ATP11C: variants seen among roughly 807,000 people sequenced by gnomAD.
The protein encoded by ATP11C is ATPase phospholipid transporting 11C (ATP11C blood group), also known as phospholipid-transporting ATPase IG.
ATP11C carries 36 observed loss-of-function variants against 97.4 expected under a neutral mutation model. The observed-to-expected ratio is 0.37, with a 90% CI of 0.28 to 0.49. ATP11C has a LOEUF of 0.49. ATP11C is among the 20% of genes least tolerant of loss of function. The probability of loss-of-function intolerance (pLI) is 0.98; values close to 1 mark genes in which losing one functional copy is unlikely to be tolerated. For synonymous variants in ATP11C, 275 were observed against 290.9 expected (o/e 0.95, Z 0.56); for missense variants, 730 against 824.6 (o/e 0.89, Z 1.40).
intron 23 of ATP11C, among the ~76,000 whole-genome samples, chrX:139,753,784 G>A: frequency 9.0e-6 from 1 of 110,657 alleles, no homozygotes; most frequent in Non-Finnish European, 1.9e-5. Context: ...ATTACAGCCT[G>A]GGTGACAGAG....
chrX:139,773,351 C>T (rs1256147660), intron 19 of ATP11C, among the ~76,000 whole-genome samples: 1 of 110,925 alleles, frequency 9.0e-6, no homozygotes, highest in Non-Finnish European at 1.9e-5. Flanking sequence ...GAAGGTGGGG[C>T]CTCCATGATG....
intron 1 of ATP11C, among the ~76,000 whole-genome samples, chrX:139,885,194 A>G (rs2084620846): frequency 9.1e-6 from 1 of 110,083 alleles, no homozygotes; most frequent in Admixed American, 9.8e-5. Context: ...ACATGCACAC[A>G]CATACCCACT....
intron 17 of ATP11C, 44 bp from the exon 18 acceptor site, chrX:139,782,772 G>GA: frequency 1.1e-6 from 1 of 906,432 alleles, no homozygotes; most frequent in South Asian, 2.5e-5. Flanking sequence ...AATAATAGTT[G>GA]GAAAAAAAAA....
intron 1 of ATP11C, among the ~76,000 whole-genome samples, chrX:139,827,583 C>G (rs1453632810): frequency 9.0e-6 from 1 of 111,435 alleles, no homozygotes; most frequent in Non-Finnish European, 1.9e-5. Flanking sequence ...ATACCCTTTT[C>G]TTATATAAAT....
Position 139,837,023 on chromosome X carries a change from CA to C in ATP11C, c.28-10201del, listed in dbSNP as rs751242484. ...ACACACACACACATACACACACACA[CA>C]CACAGGGACAGGGAGGAGAGATAAA... is the stretch of plus-strand genomic sequence containing the variant. On this transcript the variant is annotated intron_variant, in intron 1 of 29. Coordinates refer to ENST00000682941, the MANE Select transcript of ATP11C (RefSeq NM_001353812.2). Among the ~76,000 whole-genome samples the C allele has an allele frequency of 8.2e-4, 92 of 111,546 alleles. 1 individual carries two copies. The South Asian group carries it at 0.012, about 14-fold the overall frequency.
chrX:139,912,732 G>C (rs1342303779), intron 1 of ATP11C, among the ~76,000 whole-genome samples: 1 of 49,816 alleles, frequency 2.0e-5, no homozygotes, highest in African/African-American at 6.4e-5. Context: ...TAAATCTTCT[G>C]ATTTGATTAC....
intron 20 of ATP11C, 146 bp from the exon 21 acceptor site, chrX:139,763,564 G>A: frequency 2.2e-6 from 1 of 448,064 alleles, no homozygotes; most frequent in Non-Finnish European, 3.8e-6. Context: ...TCATCCCTCA[G>A]TATCCTTGGA....
chrX:139,893,937 T>A (rs1269508203), intron 1 of ATP11C, among the ~76,000 whole-genome samples: 1 of 110,242 alleles, frequency 9.1e-6, no homozygotes, highest in African/African-American at 3.3e-5. Context: ...AATGAGCTCA[T>A]ATATATAGCC....
intron 1 of ATP11C, among the ~76,000 whole-genome samples, chrX:139,861,321 T>G (rs932017247): frequency 1.8e-5 from 2 of 111,944 alleles, no homozygotes; most frequent in African/African-American, 6.5e-5. Flanking sequence ...ACATTTTAAA[T>G]TAAGTACAAA....
rs1215487625 is a variant in ATP11C, at chrX:139,873,889, C to G, written c.28-47066G>C. On this transcript the variant is annotated intron_variant, in intron 1 of 29. Transcript: ENST00000682941. ...AGTGCAGCCAACAACTCCATGCACCCGAGACCAATTAAGAACAAAAACTGA... is the reference window on the plus strand; with the variant it reads ...AGTGCAGCCAACAACTCCATGCACCGGAGACCAATTAAGAACAAAAACTGA... 1.8e-4 allele frequency among the ~76,000 whole-genome samples: 20 copies of G among 108,857 alleles called. No individual in the cohort carries two copies. The Admixed American group carries it at 2.0e-3, about 11-fold the overall frequency. The allele number at this position is 108,857 out of a possible 115,157, so 94.5% of individuals were successfully genotyped here. A position where few individuals can be genotyped will look rare whatever the true frequency, so the allele number is the denominator to read the frequency against.
intron 1 of ATP11C, among the ~76,000 whole-genome samples, chrX:139,878,861 G>A (rs886773805): frequency 1.8e-5 from 2 of 109,522 alleles, no homozygotes; most frequent in African/African-American, 3.3e-5. Flanking sequence ...TATAAATAGC[G>A]TGGTACGGAC....
Position 139,769,281 on chromosome X carries a change from C to T in ATP11C, c.2217-847G>A, listed in dbSNP as rs868085735. On this transcript the variant is annotated intron_variant, in intron 19 of 29. Transcript: ENST00000682941. ...GACAAATGGCTTTGGGGCAAACATA[C>T]ATATATATATATATATATATATATA... Among the ~76,000 whole-genome samples the T allele has an allele frequency of 1.4e-4, 4 of 28,076 alleles. No individual in the cohort carries two copies. In the South Asian group the frequency reaches 0.011, roughly 79 times the overall value. 24.4% of individuals were successfully genotyped at this position (28,076 alleles called of 115,157 possible).
chrX:139,925,216 T>C (rs918627189), intron 1 of ATP11C, among the ~76,000 whole-genome samples: 5 of 112,243 alleles, frequency 4.5e-5, no homozygotes, highest in Non-Finnish European at 7.5e-5. Context: ...AACAGTTTCT[T>C]GGAGTCTGTC....
chrX:139,845,938 G>A (rs998198774), intron 1 of ATP11C, among the ~76,000 whole-genome samples: 1 of 112,331 alleles, frequency 8.9e-6, no homozygotes. Context: ...CAAAGCAACA[G>A]GGAAGTTGTA....
At chrX:139,936,405 T>C (rs1202052427), upstream of ATP11C, among the ~76,000 whole-genome samples, 2 of 111,401 alleles carry the variant, frequency 1.8e-5, no homozygotes, top group African/African-American at 6.5e-5. Flanking sequence ...AGCATTTTCA[T>C]TGGGACAACT....
At chrX:139,821,504 A>AT (rs1280949177) in intron 2 of ATP11C, among the ~76,000 whole-genome samples, 2 of 112,572 alleles carry the variant, frequency 1.8e-5, no homozygotes, top group African/African-American at 6.5e-5. Context: ...CTGTTCCCAA[A>AT]TTAAAGAGTT....
chrX:139,909,038 G>A (rs1304794516), intron 1 of ATP11C, among the ~76,000 whole-genome samples: 3 of 112,463 alleles, frequency 2.7e-5, no homozygotes, highest in African/African-American at 9.7e-5. Flanking sequence ...CTCTAAAACT[G>A]TATGGGCACC....
chrX:139,831,688 G>A (rs1173365611), intron 1 of ATP11C, among the ~76,000 whole-genome samples: 1 of 111,676 alleles, frequency 9.0e-6, no homozygotes, highest in Non-Finnish European at 1.9e-5. Flanking sequence ...CAAAAATACT[G>A]TAAACATTCT....
chrX:139,765,830 G>A (rs1294335604), intron 20 of ATP11C, among the ~76,000 whole-genome samples: 4 of 111,673 alleles, frequency 3.6e-5, no homozygotes, highest in Non-Finnish European at 7.5e-5. Flanking sequence ...GGAGTTCAAT[G>A]AGCTATTGAA....
Sources: gnomAD v4.1 joint callset for allele counts (sites outside exome capture counted in the v4.1 genomes callset) on GRCh38, gnomAD v4.1.1 for gene constraint, MANE v1.5 for transcripts, NCBI Gene and HGNC (gene_info 2026-07-23, HGNC 2026-07-21) for gene names.